RSBN1L: variants seen among roughly 807,000 people sequenced by gnomAD.
RSBN1L encodes the protein lysine-specific demethylase RSBN1L.
In RSBN1L, 30 loss-of-function variants were observed where a neutral mutation model predicts 67.7. The ratio of observed to expected loss-of-function variants is 0.44; its 90% CI spans 0.33 to 0.60. RSBN1L has a LOEUF of 0.60. Among genes scored for constraint, RSBN1L ranks in the 20% least tolerant of loss-of-function variants. The pLI is 0.02. For missense variants in RSBN1L, 992 were observed against 1,031.7 expected (o/e 0.96, Z 0.53); for synonymous variants, 433 against 387.0 (o/e 1.12, Z -1.39).
At chr7:77,751,043 A>G (rs1188639860) in intron 3 of RSBN1L, among the ~76,000 whole-genome samples, 1 of 152,208 alleles carries the variant, frequency 6.6e-6, no homozygotes, top group Non-Finnish European at 1.5e-5. Context: ...TCCACTTTAA[A>G]TGGTAGTCTG....
chr7:77,748,542 C>G (rs1349706819), intron 2 of RSBN1L, among the ~76,000 whole-genome samples: 1 of 152,098 alleles, frequency 6.6e-6, no homozygotes, highest in Non-Finnish European at 1.5e-5. Context: ...GGCTGGAGTG[C>G]AGTGGCACGA....
At chr7:77,776,944 G>C (rs1791926197) in intron 6 of RSBN1L, among the ~76,000 whole-genome samples, 1 of 150,806 alleles carries the variant, frequency 6.6e-6, no homozygotes, top group Admixed American at 6.6e-5. Flanking sequence ...TTACCATTTT[G>C]CTTTTTCCAA....
rs771134335 is a variant in RSBN1L at position 77,696,808 on chromosome 7, C to G, written c.339C>G (p.Pro113=). 3.7e-6 allele frequency: 6 copies of G among 1,613,612 alleles called. No homozygotes were observed. The highest frequency in any genetic ancestry group is 4.2e-6 in the Non-Finnish European group (5 of 1,180,012). Residue 113 remains proline (P), a synonymous_variant, in exon 1 of 8, where the codon CCC becomes CCG. Coordinates refer to ENST00000334955, the MANE Select transcript of RSBN1L (RefSeq NM_198467.3). ...CTTTCTCCGCTGGCACGGCCGTTCCCTCCTCAGCCTCCGCTTCCTTGTCTC... is the reference window on the plus strand; with the variant it reads ...CTTTCTCCGCTGGCACGGCCGTTCCGTCCTCAGCCTCCGCTTCCTTGTCTC... ...SFSFSAGTAV[P]SSASASLSQP... is the part of the protein sequence containing the mutation.
At chr7:77,733,621 TTAAA>T (rs1206090511) in intron 1 of RSBN1L, among the ~76,000 whole-genome samples, 11 of 151,988 alleles carry the variant, frequency 7.2e-5, no homozygotes, top group South Asian at 2.1e-4. Context: ...AAATATTTAA[TTAAA>T]TAAATAATTT....
At chr7:77,748,697 G>A (rs1366342707) in intron 2 of RSBN1L, among the ~76,000 whole-genome samples, 1 of 151,866 alleles carries the variant, frequency 6.6e-6, no homozygotes, top group African/African-American at 2.4e-5. Context: ...CTTGGGCGGG[G>A]TGGTCTCGAA....
chr7:77,736,328 C>T (rs1791335396), intron 1 of RSBN1L, 82 bp from the exon 2 acceptor site: 1 of 623,790 alleles, frequency 1.6e-6, no homozygotes, highest in East Asian at 5.0e-5. Context: ...TATTGTAATT[C>T]CAGAAATTTA....
At chr7:77,751,638 A>C (rs1007131902) in intron 3 of RSBN1L, among the ~76,000 whole-genome samples, 14 of 152,234 alleles carry the variant, frequency 9.2e-5, no homozygotes, top group African/African-American at 3.1e-4. Context: ...ACTGGCATCT[A>C]ATAATAGTGT....
chr7:77,741,691 C>CA (rs534456779), intron 2 of RSBN1L, among the ~76,000 whole-genome samples: 17,469 of 83,350 alleles, frequency 0.21, 1,153 homozygotes, highest in African/African-American at 0.25. Context: ...GACTCGGTCT[C>CA]AAAAAAAAAA....
At chr7:77,748,199 A>G (rs1018900180) in intron 2 of RSBN1L, among the ~76,000 whole-genome samples, 1 of 152,166 alleles carries the variant, frequency 6.6e-6, no homozygotes, top group Non-Finnish European at 1.5e-5. Flanking sequence ...AAAATTATAG[A>G]AAGGTTAATA....
chr7:77,744,492 A>G, intron 2 of RSBN1L, among the ~76,000 whole-genome samples: 1 of 151,436 alleles, frequency 6.6e-6, no homozygotes, highest in Admixed American at 6.6e-5. Context: ...TTTTTTTTTG[A>G]GGGGGAGACG....
rs1562792479 is a variant in RSBN1L, at chr7:77,703,476, G to GTTTTT, written c.586+6421_586+6422insTTTTT. ...TGTGTCTCTTTTTTCCTACTGTTTGGGTTTTTTTTTTTTTTTTTTTTTTTT... is the reference window on the plus strand; with the variant it reads ...TGTGTCTCTTTTTTCCTACTGTTTGGTTTTTGTTTTTTTTTTTTTTTTTTTTTTTT... On this transcript the variant is annotated intron_variant, in intron 1 of 7. Transcript: ENST00000334955. Among the ~76,000 whole-genome samples the GTTTTT allele has an allele frequency of 5.8e-4, 59 of 101,552 alleles. 1 individual carries two copies. The highest frequency in any genetic ancestry group is 2.0e-3 in the African/African-American group (56 of 28,120). 66.6% of individuals were successfully genotyped at this position (101,552 alleles called of 152,430 possible).
chr7:77,740,494 C>T (rs1791393659), intron 2 of RSBN1L, among the ~76,000 whole-genome samples: 1 of 151,998 alleles, frequency 6.6e-6, no homozygotes, highest in South Asian at 2.1e-4. Context: ...GACAACATTG[C>T]AGTGCAAAAA....
At chr7:77,721,804 T>G (rs1372290400) in intron 1 of RSBN1L, among the ~76,000 whole-genome samples, 1 of 152,168 alleles carries the variant, frequency 6.6e-6, no homozygotes, top group Non-Finnish European at 1.5e-5. Flanking sequence ...TAGGCAGAGG[T>G]AAGCTGAGTT....
In RSBN1L at chr7:77,718,391, G is replaced by A. The variant is rs566089659; in HGVS notation, c.587-18019G>A. 3.3e-5 allele frequency among the ~76,000 whole-genome samples: 5 copies of A among 152,190 alleles called. No individual in the cohort carries two copies. In the East Asian group the frequency reaches 9.7e-4, roughly 29 times the overall value. On this transcript the variant is annotated intron_variant, in intron 1 of 7. Transcript: ENST00000334955. Reference sequence around the variant, plus strand: ...ATCACGGCTTCAACTTCTGGGCTCAGTTGATCCTCCCACCTCAGTCTCCTG... The same window carrying A: ...ATCACGGCTTCAACTTCTGGGCTCAATTGATCCTCCCACCTCAGTCTCCTG...
chr7:77,726,000 A>G (rs1791198918), intron 1 of RSBN1L, among the ~76,000 whole-genome samples: 1 of 151,842 alleles, frequency 6.6e-6, no homozygotes, highest in East Asian at 1.9e-4. Context: ...ATATATTGTT[A>G]AATTTATATA....
At chr7:77,724,006 G>A (rs1339000590) in intron 1 of RSBN1L, among the ~76,000 whole-genome samples, 1 of 151,836 alleles carries the variant, frequency 6.6e-6, no homozygotes, top group Admixed American at 6.6e-5. Context: ...TTGAATTTCT[G>A]GGCTCAAGCT....
intron 1 of RSBN1L, among the ~76,000 whole-genome samples, chr7:77,697,956 C>T (rs1584269692): frequency 6.6e-6 from 1 of 152,190 alleles, no homozygotes; most frequent in Non-Finnish European, 1.5e-5. Flanking sequence ...AAAATCAAAT[C>T]TTTATGTGAT....
At chr7:77,737,592 A>G (rs1168005951) in intron 2 of RSBN1L, among the ~76,000 whole-genome samples, 1 of 152,178 alleles carries the variant, frequency 6.6e-6, no homozygotes, top group Non-Finnish European at 1.5e-5. Flanking sequence ...TTATTAGTTA[A>G]TGCTCATGAT....
chr7:77,708,027 AGAT>A (rs1790917781), intron 1 of RSBN1L, among the ~76,000 whole-genome samples: 1 of 152,210 alleles, frequency 6.6e-6, no homozygotes, highest in Non-Finnish European at 1.5e-5. Flanking sequence ...TCAGATCTTT[AGAT>A]AGTCTGATTT....
Sources: allele counts gnomAD v4.1 joint callset (sites outside exome capture counted in the v4.1 genomes callset), GRCh38; gene constraint gnomAD v4.1.1; transcripts MANE v1.5; gene names NCBI Gene and HGNC (gene_info 2026-07-23, HGNC 2026-07-21).